RAPGEF4: variants seen among roughly 807,000 people sequenced by gnomAD.
The protein encoded by RAPGEF4 is RAP guanine-nucleotide-exchange factor (GEF) 4.
In RAPGEF4, 66 loss-of-function variants were observed where a neutral mutation model predicts 147.9. The ratio of observed to expected loss-of-function variants is 0.45; its 90% confidence interval spans 0.37 to 0.55. The LOEUF (loss-of-function observed/expected upper bound fraction) is 0.55. Among genes scored for constraint, RAPGEF4 ranks in the 20% least tolerant of loss-of-function variants. RAPGEF4 has a pLI of 0.00. For missense variants in RAPGEF4, 1,071 were observed against 1,257.3 expected, an observed-to-expected ratio of 0.85 and a Z score of 2.24; for synonymous variants, 419 against 442.7, an observed-to-expected ratio of 0.95 and a Z score of 0.67.
intron 29 of RAPGEF4, among the ~76,000 whole-genome samples, chr2:173,039,998 T>C (rs1487984416): frequency 6.6e-6 from 1 of 152,086 alleles, no homozygotes; most frequent in Admixed American, 6.6e-5. Flanking sequence ...AAGGCCAGCC[T>C]GGCCAACATG....
chr2:172,789,882 T>C (rs1685626378), intron 1 of RAPGEF4, among the ~76,000 whole-genome samples: 1 of 152,230 alleles, frequency 6.6e-6, no homozygotes, highest in Non-Finnish European at 1.5e-5. Context: ...ATTTAGGTTG[T>C]TTCTGTATCT....
chr2:172,831,978 T>C (rs1334318041), intron 4 of RAPGEF4, among the ~76,000 whole-genome samples: 1 of 152,200 alleles, frequency 6.6e-6, no homozygotes, highest in Non-Finnish European at 1.5e-5. Flanking sequence ...ATTGAGTTCG[T>C]AAAATTGGGT....
intron 1 of RAPGEF4, among the ~76,000 whole-genome samples, chr2:172,753,513 CT>C (rs1246102481): frequency 2.0e-5 from 3 of 149,690 alleles, no homozygotes; most frequent in Non-Finnish European, 4.4e-5. Flanking sequence ...GAGTATATTT[CT>C]TTTGAATTGG....
chr2:173,017,121 C>T (rs1349790291), intron 19 of RAPGEF4, 53 bp from the exon 20 acceptor site: 1 of 1,529,064 alleles, frequency 6.5e-7, no homozygotes, highest in African/African-American at 1.4e-5. Flanking sequence ...ACAAATAAGG[C>T]AATTTAATAG....
chr2:172,884,775 T>C (rs191518849), intron 4 of RAPGEF4, among the ~76,000 whole-genome samples: 2 of 152,314 alleles, frequency 1.3e-5, no homozygotes, highest in East Asian at 3.9e-4. Flanking sequence ...TATTATTTTT[T>C]TCCAAAAAAA....
chr2:172,799,844 C>T (rs1351171491), intron 3 of RAPGEF4, among the ~76,000 whole-genome samples: 6 of 152,166 alleles, frequency 3.9e-5, no homozygotes, highest in Non-Finnish European at 5.9e-5. Flanking sequence ...ATAACACCAG[C>T]TCTTATGTGC....
In RAPGEF4 at chr2:173,018,820, TA is replaced by T; in HGVS notation, c.2155+19del. Reference sequence around the variant, plus strand: ...CGGAGGAGGTAACAGTCTTAATTCATATTTTAGGCTCTGCAAAATGGGACAT... The same window carrying T: ...CGGAGGAGGTAACAGTCTTAATTCATTTTTAGGCTCTGCAAAATGGGACAT... On this transcript the variant is annotated intron_variant, in intron 22 of 30. Transcript: ENST00000397081. 6.2e-7 allele frequency: 1 copy of T among 1,609,042 alleles called. No individual in the cohort carries two copies. The highest frequency in any genetic ancestry group is 8.5e-7 in the Non-Finnish European group (1 of 1,177,202).
At chr2:172,928,365 T>C (rs891722481) in intron 6 of RAPGEF4, 2 of 310,276 alleles carry the variant, frequency 6.4e-6, no homozygotes. Flanking sequence ...ATTGCATTTT[T>C]AGGAATGACG....
At chr2:172,925,781 GAGAGAGAGAGAGAGAGAAAGAAAGAA>G (rs1685244493) in intron 6 of RAPGEF4, among the ~76,000 whole-genome samples, 1 of 70,040 alleles carries the variant, frequency 1.4e-5, no homozygotes, top group African/African-American at 4.3e-5. Context: ...GAAAGAAAGA[GAGAGAGAGAGAGAGAGAAAGAAAGAA>G]AGAGAGAGAG....
rs147034042 is a variant in RAPGEF4, at chr2:172,867,806, T to A, written c.445-49996T>A. The stretch of plus-strand genomic sequence containing the variant: ...CAATCTACATAGGTAAAGGAGTTAA[T>A]GTTTAAGAAACTATTTTGAACCTTT... On this transcript the variant is annotated intron_variant, in intron 4 of 30. Coordinates refer to ENST00000397081, the MANE Select transcript of RAPGEF4 (RefSeq NM_007023.4). 1.1e-3 allele frequency among the ~76,000 whole-genome samples: 166 copies of A among 152,388 alleles called. 2 individuals are homozygous for A. Among genetic ancestry groups the A allele is most frequent in the Middle Eastern group, 6.8e-3 (2 of 294 alleles).
chr2:172,750,731 T>C (rs149464512), intron 1 of RAPGEF4, among the ~76,000 whole-genome samples: 1 of 152,350 alleles, frequency 6.6e-6, no homozygotes, highest in African/African-American at 2.4e-5. Flanking sequence ...ATTTCTCTGA[T>C]GATTAGTAAT....
Position 173,001,332 on chromosome 2 carries a change from C to T in RAPGEF4, c.1646C>T (p.Ala549Val), listed in dbSNP as rs540184106. Residue 549 changes from alanine to valine, a missense_variant, in exon 17 of 31, where the codon GCA becomes GTA. Physicochemically the swap from Ala to Val is moderately conservative, Grantham distance 64. Coordinates refer to ENST00000397081, the MANE Select transcript of RAPGEF4 (RefSeq NM_007023.4). ...ATGCCAAATACCCAGCTTTGCCCGG[C>T]ACTGGTGGCCCAATATCCTTTTATT... ...VFMPNTQLCP[A>V]LVAHYHAQPS... 4 of 1,614,012 alleles carry T rather than the reference C, an allele frequency of 2.5e-6. No homozygotes were observed. In the South Asian group the frequency reaches 3.3e-5, roughly 13 times the overall value.
chr2:172,870,518 G>A (rs1695122774), intron 4 of RAPGEF4, among the ~76,000 whole-genome samples: 1 of 152,072 alleles, frequency 6.6e-6, no homozygotes, highest in Admixed American at 6.6e-5. Context: ...GTCAGGATTT[G>A]TTTTCCTATT....
intron 6 of RAPGEF4, among the ~76,000 whole-genome samples, chr2:172,934,024 TAATC>T (rs146221103): frequency 0.015 from 2,333 of 152,274 alleles, 59 homozygotes; most frequent in African/African-American, 0.054. Context: ...AATGGGTTAA[TAATC>T]CCCTTTTTCC....
chr2:172,836,423 T>C (rs772817867), intron 4 of RAPGEF4, among the ~76,000 whole-genome samples: 1 of 152,214 alleles, frequency 6.6e-6, no homozygotes, highest in Non-Finnish European at 1.5e-5. Context: ...GACGTCTCAG[T>C]TGTGATATCC....
intron 19 of RAPGEF4, among the ~76,000 whole-genome samples, chr2:173,016,759 AG>A (rs1444923972): frequency 9.9e-5 from 15 of 152,224 alleles, no homozygotes; most frequent in African/African-American, 3.6e-4. Flanking sequence ...CGGCATTTAA[AG>A]AAAGTTTGAG....
chr2:172,777,148 T>C (rs1559035972), intron 1 of RAPGEF4, among the ~76,000 whole-genome samples: 1 of 152,184 alleles, frequency 6.6e-6, no homozygotes, highest in African/African-American at 2.4e-5. Context: ...TTAGAATAGG[T>C]CTAGCTCTTG....
At chr2:173,044,332 G>A (rs2106064217) in intron 29 of RAPGEF4, among the ~76,000 whole-genome samples, 1 of 152,266 alleles carries the variant, frequency 6.6e-6, no homozygotes, top group East Asian at 1.9e-4. Flanking sequence ...GTCCTAGCTG[G>A]TTTGGGCTGG....
At chr2:172,925,932 AGGAG>A (rs1239637681) in intron 6 of RAPGEF4, among the ~76,000 whole-genome samples, 11 of 129,968 alleles carry the variant, frequency 8.5e-5, no homozygotes, top group African/African-American at 2.8e-4. Flanking sequence ...AAAAAGAAAG[AGGAG>A]GGAGGGAAGG....
Sources: gnomAD v4.1 joint callset for allele counts (sites outside exome capture counted in the v4.1 genomes callset) on GRCh38, gnomAD v4.1.1 for gene constraint, MANE v1.5 for transcripts, NCBI Gene and HGNC (gene_info 2026-07-23, HGNC 2026-07-21) for gene names.